Variants in SOS2 observed in about 807,000 individuals in gnomAD.
SOS2 encodes the protein SOS Ras/Rho guanine nucleotide exchange factor 2, also known as son of sevenless homolog 2.
SOS2 carries 65 observed loss-of-function variants against 148.2 expected under a neutral mutation model. The ratio of observed to expected loss-of-function variants is 0.44; its 90% CI spans 0.36 to 0.54. The LOEUF is 0.54. Ranked by LOEUF, SOS2 falls within the 20% of genes least tolerant of loss-of-function variation. SOS2 has a pLI of 0.00. For missense variants in SOS2, 1,341 were observed against 1,590.2 expected, an observed-to-expected ratio of 0.84 and a Z score of 2.67; for synonymous variants, 539 against 537.1, an observed-to-expected ratio of 1.00 and a Z score of -0.05.
At chr14:50,202,507 G>A (rs1886525338) in intron 2 of SOS2, among the ~76,000 whole-genome samples, 2 of 152,292 alleles carry the variant, frequency 1.3e-5, no homozygotes, top group African/African-American at 2.4e-5. Flanking sequence ...ACTGAGGTGG[G>A]AGGATCCCTT....
intron 4 of SOS2, among the ~76,000 whole-genome samples, chr14:50,197,065 C>A (rs1244606614): frequency 6.6e-6 from 1 of 152,036 alleles, no homozygotes; most frequent in East Asian, 1.9e-4. Flanking sequence ...GTTGCCCAGG[C>A]TGGTCTCCAA....
At chr14:50,224,304 A>AAAATAT (rs1243000778) in intron 1 of SOS2, among the ~76,000 whole-genome samples, 5 of 62,694 alleles carry the variant, frequency 8.0e-5, no homozygotes, top group South Asian at 5.5e-4. Flanking sequence ...AAAAAAAAAA[A>AAAATAT]ATATATATAT....
intron 4 of SOS2, among the ~76,000 whole-genome samples, chr14:50,191,204 C>T (rs1009732318): frequency 6.6e-6 from 1 of 152,102 alleles, no homozygotes; most frequent in Admixed American, 6.6e-5. Context: ...GTGGCTCATG[C>T]TTACAATCTC....
intron 9 of SOS2, 35 bp downstream of exon 9, chr14:50,161,447 C>G (rs1021617146): frequency 1.3e-6 from 2 of 1,582,718 alleles, no homozygotes; most frequent in Admixed American, 1.8e-5. Flanking sequence ...GCGAAGTAAG[C>G]AGAGGCATTC....
intron 6 of SOS2, among the ~76,000 whole-genome samples, 195 bp from the exon 7 acceptor site, chr14:50,180,877 AGAG>A (rs1885712695): frequency 6.6e-6 from 1 of 152,188 alleles, no homozygotes; most frequent in Non-Finnish European, 1.5e-5. Flanking sequence ...AAAAAAGAGA[AGAG>A]AAGAAGAAAG....
chr14:50,126,934 A>G (rs146391724), intron 21 of SOS2, among the ~76,000 whole-genome samples: 3 of 152,148 alleles, frequency 2.0e-5, no homozygotes, highest in East Asian at 3.9e-4. Context: ...ACCCACATCA[A>G]TGCAGTTCAT....
chr14:50,144,164 T>C (rs1405567513), intron 16 of SOS2, among the ~76,000 whole-genome samples: 4 of 151,762 alleles, frequency 2.6e-5, no homozygotes, highest in Non-Finnish European at 4.4e-5. Flanking sequence ...CAGAAAAAAA[T>C]CAGAAATAAC....
Position 50,207,179 on chromosome 14 carries a change from T to G in SOS2, c.88-2770A>C, listed in dbSNP as rs1289540745. On this transcript the variant is annotated intron_variant, in intron 1 of 22. Coordinates refer to ENST00000216373, the MANE Select transcript of SOS2 (RefSeq NM_006939.4). ...GATACTCTCCAATTTATTTTGGGAC[T>G]AGACTTTATATAAAAACTCAAAAAG... 2.0e-5 allele frequency among the ~76,000 whole-genome samples: 3 copies of G among 152,178 alleles called. No homozygotes were observed. The East Asian group carries it at 5.8e-4, about 29-fold the overall frequency.
chr14:50,177,767 A>T (rs1251535536), intron 7 of SOS2, among the ~76,000 whole-genome samples: 2 of 152,184 alleles, frequency 1.3e-5, no homozygotes, highest in Non-Finnish European at 2.9e-5. Flanking sequence ...ATAATAAACA[A>T]TGGGAATTTA....
intron 7 of SOS2, among the ~76,000 whole-genome samples, chr14:50,178,666 G>GTATA (rs1204856446): frequency 3.9e-4 from 27 of 70,070 alleles, no homozygotes; most frequent in Middle Eastern, 5.7e-3. Flanking sequence ...GTGTGTGTGT[G>GTATA]TGTGCATATA....
intron 1 of SOS2, among the ~76,000 whole-genome samples, chr14:50,214,442 ACAGC>A (rs1419124636): frequency 6.6e-6 from 1 of 152,140 alleles, no homozygotes; most frequent in Non-Finnish European, 1.5e-5. Context: ...CTTCTTTAAC[ACAGC>A]CAGAGATAAC....
chr14:50,228,043 A>C (rs961092399), intron 1 of SOS2, among the ~76,000 whole-genome samples: 1 of 142,496 alleles, frequency 7.0e-6, no homozygotes, highest in East Asian at 2.1e-4. Context: ...GATGCAAGTA[A>C]TTTTTTTTTT....
chr14:50,202,772 C>A (rs1886534882), intron 2 of SOS2, among the ~76,000 whole-genome samples: 1 of 152,024 alleles, frequency 6.6e-6, no homozygotes, highest in African/African-American at 2.4e-5. Flanking sequence ...CAATTGGCAG[C>A]AGAGAACAGG....
intron 1 of SOS2, among the ~76,000 whole-genome samples, chr14:50,226,474 G>A (rs745967032): frequency 6.6e-6 from 1 of 152,158 alleles, no homozygotes; most frequent in Non-Finnish European, 1.5e-5. Flanking sequence ...GATCTCAGTA[G>A]AACTTCACAA....
At chr14:50,119,302 C>T (rs2139467476) in intron 22 of SOS2, among the ~76,000 whole-genome samples, 1 of 152,266 alleles carries the variant, frequency 6.6e-6, no homozygotes, top group African/African-American at 2.4e-5. Flanking sequence ...CAGTAGGGAA[C>T]TTGTTAGAAA....
intron 21 of SOS2, among the ~76,000 whole-genome samples, chr14:50,127,241 A>T (rs1268446808): frequency 2.0e-5 from 3 of 150,906 alleles, no homozygotes; most frequent in African/African-American, 7.3e-5. Flanking sequence ...TCCCGGGTTC[A>T]AGCAATTCTC....
intron 4 of SOS2, among the ~76,000 whole-genome samples, chr14:50,192,870 A>G (rs1437605318): frequency 9.0e-6 from 1 of 111,296 alleles, no homozygotes; most frequent in Admixed American, 7.9e-5. Flanking sequence ...TCTCAGAAGG[A>G]AAAAAAAAAG....
rs1448905703 is a variant in SOS2, at chr14:50,130,461, G to T, written c.3337+40C>A. ...AATGATAAGAATTATCTGAGACACA[G>T]GATTCCTTTTTTACCAAGCGGTTTA... On this transcript the variant is annotated intron_variant, in intron 20 of 22. Coordinates refer to ENST00000216373, the MANE Select transcript of SOS2 (RefSeq NM_006939.4). The T allele has an allele frequency of 1.3e-6, 2 of 1,558,410 alleles. 1 individual carries two copies. The highest frequency in any genetic ancestry group is 3.5e-4 in the Middle Eastern group (2 of 5,652).
chr14:50,192,426 C>T (rs1049340085), intron 4 of SOS2, among the ~76,000 whole-genome samples: 1 of 151,662 alleles, frequency 6.6e-6, no homozygotes, highest in Non-Finnish European at 1.5e-5. Flanking sequence ...CATGGTAGCA[C>T]GCACCTGTAA....
Sources: gnomAD v4.1 joint callset for allele counts (sites outside exome capture counted in the v4.1 genomes callset) on GRCh38, gnomAD v4.1.1 for gene constraint, MANE v1.5 for transcripts, NCBI Gene and HGNC (gene_info 2026-07-23, HGNC 2026-07-21) for gene names.